The following C3orf18 variants were observed in gnomAD, a reference collection of about 807,000 sequenced individuals.
C3orf18 encodes the protein uncharacterized protein C3orf18.
In C3orf18, 12 loss-of-function variants were observed where a neutral mutation model predicts 14.1. That is an observed-to-expected ratio of 0.85 (90% CI 0.55 to 1.38). The LOEUF (loss-of-function observed/expected upper bound fraction) is 1.38, where lower values mean the gene tolerates loss of function less well. C3orf18 is among the 40% of genes most tolerant of loss of function. The probability of loss-of-function intolerance (pLI) is 0.00; values close to 1 mark genes in which losing one functional copy is unlikely to be tolerated. For missense variants in C3orf18, 196 were observed against 213.9 expected (o/e 0.92, Z 0.52); for synonymous variants, 82 against 87.9 (o/e 0.93, Z 0.38).
At chr3:50,571,773 C>T (rs192219149), upstream of C3orf18, 73 of 1,614,124 alleles carry the variant, frequency 4.5e-5, no homozygotes, top group South Asian at 3.2e-4. Context: ...ACAGTGTATC[C>T]GGGAGCTGAG....
chr3:50,562,754 T>C (rs747474088), intron 3 of C3orf18, among the ~76,000 whole-genome samples: 11 of 152,126 alleles, frequency 7.2e-5, no homozygotes, highest in Non-Finnish European at 1.5e-4. Flanking sequence ...CCCCTAGGCA[T>C]CAGCCCAGGT....
rs1474420220 is a variant in C3orf18, at chr3:50,565,143, G to A, written c.234+323C>T. ...GCACTTTGGGAGGCCAACGGGGGCA[G>A]ATCACTTGAGGCCAGGAGTTCAAGA... On this transcript the variant is annotated intron_variant, in intron 3 of 5. Transcript: ENST00000357203. The surrounding 1 kb of genome is among the most constrained non-coding windows in gnomAD (Gnocchi z 4.4). 2.0e-5 allele frequency among the ~76,000 whole-genome samples: 3 copies of A among 152,172 alleles called. No individual in the cohort carries two copies. In the East Asian group the frequency reaches 5.8e-4, roughly 29 times the overall value.
upstream of C3orf18, chr3:50,567,873 C>T (rs551344838): frequency 2.2e-4 from 34 of 152,442 alleles, no homozygotes; most frequent in African/African-American, 7.7e-4. Flanking sequence ...AGCCTAGAAC[C>T]TGGTCGCAGT....
Position 50,565,606 on chromosome 3 carries a change from A to G in C3orf18, c.94T>C (p.Ser32Pro). ...DLEPATDGPA[S>P]ETTTLSPEAT... Reference sequence around the variant, plus strand: ...TCTGGGCTGAGGGTAGTGGTCTCGGAGGCTGGCCCATCTGTGGCAGGTTCC... The same window carrying G: ...TCTGGGCTGAGGGTAGTGGTCTCGGGGGCTGGCCCATCTGTGGCAGGTTCC... Residue 32 changes from serine to proline, a missense_variant, in exon 3 of 6, where the codon TCC becomes CCC. Physicochemically the swap from Ser to Pro is moderately conservative, Grantham distance 74. Coordinates refer to ENST00000357203, the MANE Select transcript of C3orf18 (RefSeq NM_016210.5). This position sits in a 1 kb window ranked among gnomAD's most constrained non-coding sequence, Gnocchi z 4.4. 6.2e-7 allele frequency: 1 copy of G among 1,613,828 alleles called. No homozygotes were observed. The highest frequency in any genetic ancestry group is 1.1e-5 in the South Asian group (1 of 91,062).
upstream of C3orf18, chr3:50,571,355 G>A (rs1339845571): frequency 4.6e-6 from 7 of 1,528,716 alleles, no homozygotes; most frequent in South Asian, 8.7e-5. Context: ...GTTGTCAAGA[G>A]GACAGGAAGA....
At chr3:50,569,809 C>T (rs1020915858), upstream of C3orf18, 1 of 152,228 alleles carries the variant, frequency 6.6e-6, no homozygotes, top group African/African-American at 2.4e-5. Context: ...CTGGTGGACT[C>T]GGGTTCGTGT....
upstream of C3orf18, chr3:50,570,905 G>A (rs1559451011): frequency 2.1e-6 from 1 of 483,350 alleles, no homozygotes; most frequent in South Asian, 3.5e-5. Context: ...AGGCTCACCT[G>A]CTTTCCTGGT....
In C3orf18 at chr3:50,565,634, G is replaced by T; in HGVS notation, c.66C>A (p.Asp22Glu). 1.2e-6 allele frequency: 2 copies of T among 1,613,574 alleles called. No individual in the cohort carries two copies. Among genetic ancestry groups the T allele is most frequent in the Middle Eastern group, 1.6e-4 (1 of 6,062 alleles). Reference protein sequence around the residue: ...FSSRPPTSESDLEPATDGPAS... With the variant: ...FSSRPPTSESELEPATDGPAS... Reference sequence around the variant, plus strand: ...CTGGCCCATCTGTGGCAGGTTCCAGGTCAGACTCAGAGGTGGGTGGGCGGC... The same window carrying T: ...CTGGCCCATCTGTGGCAGGTTCCAGTTCAGACTCAGAGGTGGGTGGGCGGC... Residue 22 changes from aspartate (D) to glutamate (E), a missense_variant, in exon 3 of 6, where the codon GAC becomes GAA. Coordinates refer to ENST00000357203, the MANE Select transcript of C3orf18 (RefSeq NM_016210.5). This position sits in a 1 kb window ranked among gnomAD's most constrained non-coding sequence, Gnocchi z 4.4.
chr3:50,568,269 A>G (rs1700496643), upstream of C3orf18, among the ~76,000 whole-genome samples: 1 of 152,176 alleles, frequency 6.6e-6, no homozygotes, highest in Non-Finnish European at 1.5e-5. Context: ...ATACCCTCAC[A>G]ATAGCTTCCA....
At chr3:50,564,790 T>A (rs368576593) in intron 3 of C3orf18, among the ~76,000 whole-genome samples, 25 of 152,260 alleles carry the variant, frequency 1.6e-4, no homozygotes, top group African/African-American at 6.0e-4. Context: ...CAGCCCACGG[T>A]CCACATCAAC....
chr3:50,562,744 C>T (rs1700065314), intron 3 of C3orf18, among the ~76,000 whole-genome samples: 1 of 152,152 alleles, frequency 6.6e-6, no homozygotes, highest in South Asian at 2.1e-4. Context: ...GGGACTGGAG[C>T]CCCTAGGCAT....
upstream of C3orf18, chr3:50,571,359 A>G: frequency 6.7e-7 from 1 of 1,498,754 alleles, no homozygotes. Flanking sequence ...TCAAGAGGAC[A>G]GGAAGAGGGA....
intron 3 of C3orf18, 59 bp from the exon 4 acceptor site, chr3:50,561,806 GC>G (rs779231507): frequency 6.3e-7 from 1 of 1,590,658 alleles, no homozygotes; most frequent in South Asian, 1.1e-5. Context: ...GAACCCAGCA[GC>G]CCTTCTGGAT....
At chr3:50,571,083 C>G (rs749852494), upstream of C3orf18, 2 of 1,553,768 alleles carry the variant, frequency 1.3e-6, no homozygotes, top group Admixed American at 3.8e-5. Flanking sequence ...TGGAAGCACT[C>G]TGGAGAACCT....
intron 1 of C3orf18, 110 bp from the exon 2 acceptor site, chr3:50,566,204 C>T (rs1273560573): frequency 6.6e-6 from 1 of 152,558 alleles, no homozygotes; most frequent in Non-Finnish European, 1.5e-5. Context: ...CCATATCCAC[C>T]TCCTCATTCC....
intron 3 of C3orf18, 173 bp from the exon 4 acceptor site, chr3:50,561,920 G>A (rs1317788553): frequency 7.6e-6 from 5 of 656,484 alleles, no homozygotes; most frequent in East Asian, 5.5e-5. Flanking sequence ...TTTTTTTTGA[G>A]ACAGAGTCTT....
Position 50,559,618 on chromosome 3 carries a change from A to T in C3orf18, c.*39T>A. ...AGTGGGGAGCTCTGTAGGCACCGTG[A>T]TGGGTCTCTATCAGAAGTCCAGGCT... On this transcript the variant is annotated 3_prime_UTR_variant, in exon 6 of 6. Coordinates refer to ENST00000357203, the MANE Select transcript of C3orf18 (RefSeq NM_016210.5). 1 of 1,515,570 alleles carries T rather than the reference A, an allele frequency of 6.6e-7. No individual in the cohort carries two copies. The highest frequency in any genetic ancestry group is 8.9e-7 in the Non-Finnish European group (1 of 1,126,190). 93.9% of individuals were successfully genotyped at this position (1,515,570 alleles called of 1,614,324 possible).
upstream of C3orf18, among the ~76,000 whole-genome samples, chr3:50,568,854 A>G (rs1189362972): frequency 6.6e-6 from 1 of 152,222 alleles, no homozygotes; most frequent in Non-Finnish European, 1.5e-5. Flanking sequence ...TATTTTATAG[A>G]AGGCGCAACT....
At chr3:50,566,714 T>A (rs1700324679) in intron 1 of C3orf18, among the ~76,000 whole-genome samples, 2 of 151,910 alleles carry the variant, frequency 1.3e-5, no homozygotes, top group Admixed American at 6.6e-5. Flanking sequence ...TGGACTGCCC[T>A]CCCCACCCAC....
Sources: allele counts gnomAD v4.1 joint callset (sites outside exome capture counted in the v4.1 genomes callset), GRCh38; gene constraint gnomAD v4.1.1; non-coding constraint Gnocchi (gnomAD v3.1); transcripts MANE v1.5; gene names NCBI Gene and HGNC (gene_info 2026-07-23, HGNC 2026-07-21).